CUX1: variants seen among roughly 807,000 people sequenced by gnomAD.
CUX1 encodes the protein cut like homeobox 1.
In CUX1, 31 loss-of-function variants were observed where a neutral mutation model predicts 158.8. The observed-to-expected ratio is 0.20, with a 90% confidence interval of 0.15 to 0.26. The LOEUF (loss-of-function observed/expected upper bound fraction) is 0.26, where lower values mean the gene tolerates loss of function less well. Ranked by LOEUF, CUX1 falls within the 10% of genes least tolerant of loss-of-function variation. CUX1 has a pLI of 1.00. For missense variants in CUX1, 1,589 were observed against 2,014.6 expected (o/e 0.79, Z 4.04); for synonymous variants, 879 against 862.1 (o/e 1.02, Z -0.34).
chr7:102,138,994 C>T (rs1834173101), intron 8 of CUX1, among the ~76,000 whole-genome samples: 1 of 152,104 alleles, frequency 6.6e-6, no homozygotes, highest in Admixed American at 6.6e-5. Flanking sequence ...CCTCTAATCT[C>T]AGCACTTTGG....
At chr7:101,915,783 G>A (rs1285922858) in intron 1 of CUX1, among the ~76,000 whole-genome samples, 1 of 152,186 alleles carries the variant, frequency 6.6e-6, no homozygotes, top group East Asian at 1.9e-4. Context: ...TTGGGCATTA[G>A]CCTGATAGTT....
At chr7:102,213,260 A>G (rs1796729666) in intron 20 of CUX1, among the ~76,000 whole-genome samples, 1 of 152,218 alleles carries the variant, frequency 6.6e-6, no homozygotes. Flanking sequence ...GAGGTGATCT[A>G]TATGTGCCTT....
chr7:101,821,577 A>C (rs1376567136), intron 1 of CUX1, among the ~76,000 whole-genome samples: 2 of 148,002 alleles, frequency 1.4e-5, no homozygotes, highest in Non-Finnish European at 3.0e-5. Context: ...TCACTTAGTG[A>C]TCCGCCCGCC....
chr7:101,926,705 A>G (rs766568403), intron 2 of CUX1, among the ~76,000 whole-genome samples: 1 of 152,306 alleles, frequency 6.6e-6, no homozygotes, highest in Admixed American at 6.5e-5. Context: ...GTAAGTGGTG[A>G]CGTGCAGTGA....
At chr7:102,146,285 T>C (rs560312033) in intron 8 of CUX1, among the ~76,000 whole-genome samples, 193 of 152,262 alleles carry the variant, frequency 1.3e-3, no homozygotes, top group Non-Finnish European at 2.4e-3. Context: ...TGCCTGGAGA[T>C]GACTGAAGCC....
intron 17 of CUX1, chr7:102,277,926 T>G: frequency 1.1e-3 from 645 of 566,518 alleles, no homozygotes; most frequent in Non-Finnish European, 1.6e-3. Flanking sequence ...CCCCCACCCC[T>G]TTCCTTGCCC....
chr7:101,934,095 C>G (rs138122594), intron 2 of CUX1, among the ~76,000 whole-genome samples: 19 of 152,286 alleles, frequency 1.2e-4, no homozygotes, highest in African/African-American at 4.3e-4. Context: ...TGTGGTTAAT[C>G]AGAAGAGAAG....
chr7:102,113,846 G>T (rs963851190), intron 7 of CUX1, among the ~76,000 whole-genome samples: 1 of 152,148 alleles, frequency 6.6e-6, no homozygotes, highest in South Asian at 2.1e-4. Context: ...GGGATTACAG[G>T]TGTGGGCTAC....
chr7:102,170,505 T>G lies in CUX1; in HGVS notation c.783T>G (p.Asn261Lys). Reference protein sequence around the residue: ...ETLREQLSSANHSLQLASQIQ... With the variant: ...ETLREQLSSAKHSLQLASQIQ... ...TAAGGGAACAGCTCTCATCGGCCAA[T>G]CACTCCCTCCAGCTGGCCTCACAGA... Residue 261 changes from asparagine (N) to lysine (K), a missense_variant, in exon 10 of 24, where the codon AAT (asparagine) becomes AAG (lysine). Transcript: ENST00000292535. 1.3e-6 allele frequency: 2 copies of G among 1,592,538 alleles called. No individual in the cohort carries two copies. Among genetic ancestry groups the G allele is most frequent in the Non-Finnish European group, 1.7e-6 (2 of 1,169,160 alleles).
intron 8 of CUX1, among the ~76,000 whole-genome samples, chr7:102,125,331 G>A (rs1554494839): frequency 6.6e-6 from 1 of 152,162 alleles, no homozygotes; most frequent in African/African-American, 2.4e-5. Flanking sequence ...GAAAGCAGGC[G>A]CCACCCAGCC....
At position 102,257,895 on chromosome 7, in the gene CUX1, C is replaced by T. The variant is rs1249951050; in HGVS notation, c.*8853C>T. The T allele has an allele frequency of 3.4e-5, 33 of 972,276 alleles. No individual in the cohort carries two copies. The highest frequency in any genetic ancestry group is 2.6e-4 in the African/African-American group (14 of 54,300). The allele number at this position is 972,276 out of a possible 1,614,324, so 60.2% of individuals were successfully genotyped here. A position where few individuals can be genotyped will look rare whatever the true frequency, so the allele number is the denominator to read the frequency against. On this transcript the variant is annotated 3_prime_UTR_variant, in exon 24 of 24. Coordinates refer to ENST00000292535, the MANE Select transcript of CUX1 (RefSeq NM_181552.4). The stretch of plus-strand genomic sequence containing the variant: ...AAAGAAAAAAGGAAAAAAAAAAAGT[C>T]GTCTTTTTTTTTTTTTTTTGTACAA...
rs563412208 is a variant in CUX1 at position 102,036,326 on chromosome 7, G to T, written c.189+8181G>T. Reference sequence around the variant, plus strand: ...TTTTATACATATGCAAGAACAAATGGTAAATAATAGTGAAGATAATACTGA... The same window carrying T: ...TTTTATACATATGCAAGAACAAATGTTAAATAATAGTGAAGATAATACTGA... On this transcript the variant is annotated intron_variant, in intron 3 of 23. Coordinates refer to ENST00000292535, the MANE Select transcript of CUX1 (RefSeq NM_181552.4). Among the ~76,000 whole-genome samples, 3 of 152,224 alleles carry T rather than the reference G, an allele frequency of 2.0e-5. No individual in the cohort carries two copies. In the East Asian group the frequency reaches 5.8e-4, roughly 29 times the overall value.
chr7:102,217,256 T>G (rs1797323815), intron 20 of CUX1, among the ~76,000 whole-genome samples: 1 of 152,270 alleles, frequency 6.6e-6, no homozygotes, highest in African/African-American at 2.4e-5. Flanking sequence ...TTTTTAATTT[T>G]TAATATCTTC....
chr7:102,039,604 A>G (rs146961871), intron 3 of CUX1, among the ~76,000 whole-genome samples: 28 of 150,580 alleles, frequency 1.9e-4, no homozygotes, highest in African/African-American at 6.4e-4. Flanking sequence ...GCAGTAACCT[A>G]TGATCACACT....
At chr7:102,193,959 C>A in intron 13 of CUX1, 69 bp downstream of exon 13, 1 of 1,454,248 alleles carries the variant, frequency 6.9e-7, no homozygotes, top group Non-Finnish European at 9.6e-7. Context: ...GTCCCTCCGG[C>A]ATATCCCATG....
intron 22 of CUX1, chr7:102,282,965 AC>A: frequency 5.3e-6 from 6 of 1,135,790 alleles, no homozygotes; most frequent in Admixed American, 2.0e-5. Flanking sequence ...CATGGTACAC[AC>A]CCCCCTTCCC....
intron 10 of CUX1, among the ~76,000 whole-genome samples, chr7:102,175,158 C>T (rs1215959118): frequency 6.6e-6 from 1 of 152,166 alleles, no homozygotes; most frequent in East Asian, 1.9e-4. Context: ...CCCAGCCGGG[C>T]GCAGGAGTTG....
In CUX1 at chr7:102,111,921, C is replaced by A. The variant is rs561271583; in HGVS notation, c.607+147C>A. The A allele has an allele frequency of 9.5e-6, 6 of 634,030 alleles. No individual in the cohort carries two copies. In the South Asian group the frequency reaches 1.1e-4, roughly 12 times the overall value. The allele number at this position is 634,030 out of a possible 1,614,324, so 39.3% of individuals were successfully genotyped here. A position where few individuals can be genotyped will look rare whatever the true frequency, so the allele number is the denominator to read the frequency against. ...CGGGAGCCCACGCTGAAGAATTCCG[C>A]AGCACGCCCGCCAGCTGCTGCGCCT... On this transcript the variant is annotated intron_variant, in intron 7 of 23. Coordinates refer to ENST00000292535, the MANE Select transcript of CUX1 (RefSeq NM_181552.4).
intron 4 of CUX1, among the ~76,000 whole-genome samples, chr7:102,093,728 A>G (rs1259496421): frequency 6.6e-6 from 1 of 152,234 alleles, no homozygotes; most frequent in East Asian, 1.9e-4. Flanking sequence ...GTGTTGCATA[A>G]CAAGCTATAT....
Sources: allele counts gnomAD v4.1 joint callset (sites outside exome capture counted in the v4.1 genomes callset), GRCh38; gene constraint gnomAD v4.1.1; transcripts MANE v1.5; gene names NCBI Gene and HGNC (gene_info 2026-07-23, HGNC 2026-07-21).